Variants in PRKN observed in about 807,000 individuals in gnomAD.
PRKN encodes parkin RBR E3 ubiquitin protein ligase.
PRKN carries 56 observed loss-of-function variants against 59.5 expected under a neutral mutation model. The observed-to-expected ratio is 0.94, with a 90% CI of 0.76 to 1.18. The LOEUF is 1.18. PRKN is among the 50% of genes most tolerant of loss of function. PRKN has a pLI of 0.00. For synonymous variants in PRKN, 250 were observed against 222.1 expected (o/e 1.13, Z -1.12); for missense variants, 657 against 596.4 (o/e 1.10, Z -1.06).
At chr6:161,531,587 G>C (rs1779215039) in intron 9 of PRKN, among the ~76,000 whole-genome samples, 1 of 152,054 alleles carries the variant, frequency 6.6e-6, no homozygotes, top group South Asian at 2.1e-4. Context: ...TCCAAAATAG[G>C]CTCAAAGGAG....
At chr6:161,553,390 C>G (rs1455770079) in intron 8 of PRKN, among the ~76,000 whole-genome samples, 1 of 151,176 alleles carries the variant, frequency 6.6e-6, no homozygotes, top group Non-Finnish European at 1.5e-5. Context: ...TTCCTTCCTC[C>G]TTCATTCTCA....
intron 1 of PRKN, among the ~76,000 whole-genome samples, chr6:162,660,197 C>T (rs1420491668): frequency 6.6e-6 from 1 of 151,920 alleles, no homozygotes; most frequent in African/African-American, 2.4e-5. Flanking sequence ...AAGAAGTCAC[C>T]CTCATTTTTT....
At chr6:162,684,242 C>CCTCTGATTTTTTT (rs1393712924) in intron 1 of PRKN, among the ~76,000 whole-genome samples, 1 of 151,964 alleles carries the variant, frequency 6.6e-6, no homozygotes, top group Non-Finnish European at 1.5e-5. Flanking sequence ...ATGCCAAGAT[C>CCTCTGATTTTTTT]CTCTGATTTT....
intron 2 of PRKN, among the ~76,000 whole-genome samples, chr6:162,264,417 C>G (rs1197343657): frequency 3.9e-5 from 6 of 152,070 alleles, no homozygotes; most frequent in Non-Finnish European, 7.4e-5. Flanking sequence ...GATGCCCTTC[C>G]CTGCTGCTTT....
At chr6:161,864,917 G>A (rs1229977738) in intron 6 of PRKN, among the ~76,000 whole-genome samples, 1 of 152,172 alleles carries the variant, frequency 6.6e-6, no homozygotes, top group East Asian at 1.9e-4. Flanking sequence ...GCCTCACAAA[G>A]TGCTGGGATT....
chr6:161,801,034 T>TC (rs1791053527), intron 6 of PRKN, among the ~76,000 whole-genome samples: 1 of 151,948 alleles, frequency 6.6e-6, no homozygotes, highest in Non-Finnish European at 1.5e-5. Context: ...AATGCATGGC[T>TC]CCCCCACCCC....
At chr6:161,695,085 C>T (rs1785963521) in intron 7 of PRKN, among the ~76,000 whole-genome samples, 1 of 152,136 alleles carries the variant, frequency 6.6e-6, no homozygotes, top group Non-Finnish European at 1.5e-5. Context: ...CCCAGGTCAA[C>T]CCAGGTGGCC....
intron 2 of PRKN, among the ~76,000 whole-genome samples, chr6:162,385,129 C>T (rs996457519): frequency 2.6e-5 from 4 of 151,966 alleles, no homozygotes; most frequent in African/African-American, 9.7e-5. Context: ...CTGAAAATAC[C>T]ATCAAGATAC....
rs114819713 is a variant in PRKN at position 161,607,938 on chromosome 6, C to A, written c.872-38522G>T. 3.0e-3 allele frequency among the ~76,000 whole-genome samples: 461 copies of A among 152,138 alleles called. 2 individuals carry two copies. The highest frequency in any genetic ancestry group is 0.01 in the African/African-American group (430 of 41,498). The stretch of plus-strand genomic sequence containing the variant: ...ATGGCCTTGGACTTCAGCCACCAGC[C>A]CTGAAAGCTTGAACAGAATGCCTTC... On this transcript the variant is annotated intron_variant, in intron 7 of 11. Coordinates refer to ENST00000366898, the MANE Select transcript of PRKN (RefSeq NM_004562.3).
rs1784774139 is a variant in PRKN, at chr6:161,356,781, T to C, written c.1285+3307A>G. On this transcript the variant is annotated intron_variant, in intron 11 of 11. Transcript: ENST00000366898. This position sits in a 1 kb window ranked among gnomAD's most constrained non-coding sequence, Gnocchi z 7.8. ...GCAGCTAGCACTCTGCTTTGTGAAA[T>C]TTGAGCTGTCCATTGAACAATCAGT... is the stretch of plus-strand genomic sequence containing the variant. 6.6e-6 allele frequency among the ~76,000 whole-genome samples: 1 copy of C among 152,046 alleles called. No homozygotes were observed. The highest frequency in any genetic ancestry group is 1.5e-5 in the Non-Finnish European group (1 of 68,008).
intron 6 of PRKN, among the ~76,000 whole-genome samples, chr6:161,931,477 G>A (rs1363437128): frequency 1.3e-5 from 2 of 152,106 alleles, no homozygotes; most frequent in African/African-American, 2.4e-5. Context: ...AGAAGGTACT[G>A]GAAGGTGAAT....
chr6:162,656,330 T>C lies in PRKN; in HGVS notation c.7+71332A>G, dbSNP rs1034431737. On this transcript the variant is annotated intron_variant, in intron 1 of 11. Coordinates refer to ENST00000366898, the MANE Select transcript of PRKN (RefSeq NM_004562.3). ...GAGCTTTAAGATCCTTCTCAATCTG[T>C]GGCCCTACGCAGCCACTACCAACTG... Among the ~76,000 whole-genome samples, 3 of 152,332 alleles carry C rather than the reference T, an allele frequency of 2.0e-5. No homozygotes were observed. The East Asian group carries it at 5.8e-4, about 29-fold the overall frequency.
chr6:162,070,214 A>C (rs1054636108), intron 4 of PRKN, among the ~76,000 whole-genome samples: 6 of 152,212 alleles, frequency 3.9e-5, no homozygotes, highest in Non-Finnish European at 8.8e-5. Flanking sequence ...CTCACATGTA[A>C]CTACTTGGGT....
intron 6 of PRKN, among the ~76,000 whole-genome samples, chr6:161,924,655 T>G (rs1778901363): frequency 1.3e-5 from 2 of 152,204 alleles, no homozygotes; most frequent in Admixed American, 1.3e-4. Flanking sequence ...TGACTCATTC[T>G]TCAGGGGCTC....
At chr6:161,540,827 T>A (rs1015288767) in intron 9 of PRKN, among the ~76,000 whole-genome samples, 3 of 152,210 alleles carry the variant, frequency 2.0e-5, no homozygotes, top group Non-Finnish European at 4.4e-5. Context: ...ATTGGTTTAA[T>A]CTGGCTTACC....
chr6:162,608,268 C>T lies in PRKN; in HGVS notation c.7+119394G>A, dbSNP rs530334224. On this transcript the variant is annotated intron_variant, in intron 1 of 11. Transcript: ENST00000366898. ...AATAGACTGGAGGTCCTAATGTAGT[C>T]CCAAAACAGTCCCAGTGACAGGGGT... Among the ~76,000 whole-genome samples the T allele has an allele frequency of 2.6e-5, 4 of 152,272 alleles. No homozygotes were observed. The South Asian group carries it at 8.3e-4, about 32-fold the overall frequency.
chr6:162,403,087 C>T (rs1210964841), intron 2 of PRKN, among the ~76,000 whole-genome samples: 5 of 152,128 alleles, frequency 3.3e-5, no homozygotes, highest in Non-Finnish European at 5.9e-5. Context: ...ATATCTTTTC[C>T]GCCTTGCTTT....
At chr6:161,623,814 A>G (rs909502912) in intron 7 of PRKN, among the ~76,000 whole-genome samples, 8 of 152,232 alleles carry the variant, frequency 5.3e-5, no homozygotes, top group Admixed American at 2.6e-4. Flanking sequence ...GGCTTTGGCT[A>G]AGAAAGCACC....
intron 3 of PRKN, among the ~76,000 whole-genome samples, chr6:162,245,977 T>A (rs1246751288): frequency 6.6e-6 from 1 of 152,164 alleles, no homozygotes; most frequent in East Asian, 1.9e-4. Flanking sequence ...AGGTCTGGAC[T>A]AATACATTTT....
Sources: allele counts gnomAD v4.1 joint callset (sites outside exome capture counted in the v4.1 genomes callset), GRCh38; gene constraint gnomAD v4.1.1; non-coding constraint Gnocchi (gnomAD v3.1); transcripts MANE v1.5; gene names NCBI Gene and HGNC (gene_info 2026-07-23, HGNC 2026-07-21).